The following SLC4A2 variants were observed in gnomAD, a reference collection of about 807,000 sequenced individuals.
SLC4A2 encodes the protein anion exchange protein 2.
In SLC4A2, 36 loss-of-function variants were observed where a neutral mutation model predicts 115.0. That is an observed-to-expected ratio of 0.31 (90% CI 0.24 to 0.41). The LOEUF (loss-of-function observed/expected upper bound fraction) is 0.41, where lower values mean the gene tolerates loss of function less well. SLC4A2 is among the 10% of genes least tolerant of loss of function. The pLI is 1.00. For missense variants in SLC4A2, 1,252 were observed against 1,705.6 expected (o/e 0.73, Z 4.68); for synonymous variants, 708 against 708.3 (o/e 1.00, Z 0.01).
chr7:151,062,084 C>A, intron 2 of SLC4A2, 46 bp downstream of exon 2: 10 of 1,555,644 alleles, frequency 6.4e-6, no homozygotes, highest in Non-Finnish European at 8.8e-6. Context: ...CCTCCCTGGG[C>A]AGCCTTGGGT....
At position 151,075,670 on chromosome 7, in the gene SLC4A2, C is replaced by T. The variant is rs1368612456; in HGVS notation, c.3366C>T (p.Phe1122=). The part of the protein sequence containing the change: ...QIPLAVLFGI[F]LYMGVTSLNG... ...CCCTGGCCGTGCTCTTTGGAATTTT[C>T]CTGTACATGGGAGTCACCTCCCTTA... The change falls in exon 21 of 23, where the codon TTC becomes TTT. Residue 1122 remains phenylalanine, a synonymous_variant. Transcript: ENST00000413384. 2.5e-6 allele frequency: 4 copies of T among 1,610,646 alleles called. No homozygotes were observed. In the South Asian group the frequency reaches 4.4e-5, roughly 18 times the overall value.
chr7:151,059,241 C>T (rs1370631335), upstream of SLC4A2: 2 of 152,276 alleles, frequency 1.3e-5, no homozygotes, highest in Non-Finnish European at 2.9e-5. The surrounding 1 kb of genome is among the most constrained non-coding windows in gnomAD (Gnocchi z 5.8). Context: ...CACTCGCCAC[C>T]CGTCCCTCAG....
chr7:151,060,245 TG>T lies in SLC4A2; in HGVS notation c.-64+486del, dbSNP rs1797001538. ...TCAGACAGAAGAGGGAGCAGCTGGG[TG>T]GGAATGGGAAAGATGAGCCCGGAGA... On this transcript the variant is annotated intron_variant, in intron 1 of 22. Coordinates refer to ENST00000413384, the MANE Select transcript of SLC4A2 (RefSeq NM_003040.4). The surrounding 1 kb of genome is among the most constrained non-coding windows in gnomAD (Gnocchi z 5.9). The T allele has an allele frequency of 6.6e-6, 1 of 151,904 alleles. No individual in the cohort carries two copies. Among genetic ancestry groups the T allele is most frequent in the African/African-American group, 2.4e-5 (1 of 41,290 alleles). 9.4% of individuals were successfully genotyped at this position (151,904 alleles called of 1,614,324 possible).
rs1254352460 is a variant in SLC4A2, at chr7:151,061,887, AGGGC to A, written c.-63-37_-63-34del. The A allele has an allele frequency of 5.3e-6, 6 of 1,132,528 alleles. No homozygotes were observed. In the East Asian group the frequency reaches 7.6e-5, roughly 14 times the overall value. The allele number at this position is 1,132,528 out of a possible 1,614,324, so 70.2% of individuals were successfully genotyped here. Reference sequence around the variant, plus strand: ...TGCGCGTGGTGGCTCCTGCCCTCCCAGGGCTCTCGATGGTGATCAGGCCTCTCCC... The same window carrying A: ...TGCGCGTGGTGGCTCCTGCCCTCCCATCTCGATGGTGATCAGGCCTCTCCC... On this transcript the variant is annotated intron_variant, in intron 1 of 22. Transcript: ENST00000413384.
chr7:151,075,797 C>T lies in SLC4A2; in HGVS notation c.3471+22C>T, dbSNP rs151133616. The T allele has an allele frequency of 9.4e-5, 149 of 1,592,446 alleles. 1 individual carries two copies. In the African/African-American group the frequency reaches 1.5e-3, roughly 16 times the overall value. Reference sequence around the variant, plus strand: ...GAAGGTGAGCCCCCCAGCTCCCCACCGGAAGGGGTGTGCCTCTGGCCATCC... The same window carrying T: ...GAAGGTGAGCCCCCCAGCTCCCCACTGGAAGGGGTGTGCCTCTGGCCATCC... On this transcript the variant is annotated intron_variant, in intron 21 of 22. Coordinates refer to ENST00000413384, the MANE Select transcript of SLC4A2 (RefSeq NM_003040.4).
In SLC4A2 at chr7:151,069,393, G is replaced by A. The variant is rs567135650; in HGVS notation, c.1148-554G>A. Among the ~76,000 whole-genome samples the A allele has an allele frequency of 7.0e-4, 107 of 152,286 alleles. 1 individual carries two copies. Among genetic ancestry groups the A allele is most frequent in the Middle Eastern group, 6.8e-3 (2 of 294 alleles). ...TGACCTGGTAACTTTTGAAGGGACT[G>A]TTATTTCTGTGTGCAATGGCGAGGG... On this transcript the variant is annotated intron_variant, in intron 8 of 22. Coordinates refer to ENST00000413384, the MANE Select transcript of SLC4A2 (RefSeq NM_003040.4).
At position 151,069,841 on chromosome 7, in the gene SLC4A2, A is replaced by G. The variant is rs1797368772; in HGVS notation, c.1148-106A>G. 5 of 1,391,682 alleles carry G rather than the reference A, an allele frequency of 3.6e-6. No individual in the cohort carries two copies. In the Admixed American group the frequency reaches 8.8e-5, roughly 24 times the overall value. The allele number at this position is 1,391,682 out of a possible 1,614,324, so 86.2% of individuals were successfully genotyped here. Reference sequence around the variant, plus strand: ...TCCTTCATGTGTAGGCTGGTGTTCCAGCCCCGGCACCCACCCACCTGTCCC... The same window carrying G: ...TCCTTCATGTGTAGGCTGGTGTTCCGGCCCCGGCACCCACCCACCTGTCCC... On this transcript the variant is annotated intron_variant, in intron 8 of 22. Transcript: ENST00000413384.
chr7:151,074,672 C>A lies in SLC4A2; in HGVS notation c.2881-3C>A. ...TTGTCCCTACACTGTGTCTGCCCTG[C>A]AGAAGCTGAGCGTTCCCAGTGGATT... On this transcript the variant is annotated splice_polypyrimidine_tract_variant and splice_region_variant and intron_variant, in intron 18 of 22. Coordinates refer to ENST00000413384, the MANE Select transcript of SLC4A2 (RefSeq NM_003040.4). The A allele has an allele frequency of 1.3e-6, 2 of 1,594,908 alleles. No individual in the cohort carries two copies. The highest frequency in any genetic ancestry group is 1.7e-6 in the Non-Finnish European group (2 of 1,171,172).
chr7:151,072,156 G>C lies in SLC4A2; in HGVS notation c.2535+20G>C. Reference sequence around the variant, plus strand: ...GTGAAGGTGGGCAGGCCCCTGCCGAGAGCTGGGCCAGGAGGGCCGAGGTCT... The same window carrying C: ...GTGAAGGTGGGCAGGCCCCTGCCGACAGCTGGGCCAGGAGGGCCGAGGTCT... On this transcript the variant is annotated intron_variant, in intron 16 of 22. Transcript: ENST00000413384. 1 of 1,607,388 alleles carries C rather than the reference G, an allele frequency of 6.2e-7. No individual in the cohort carries two copies.
intron 2 of SLC4A2, 101 bp downstream of exon 2, chr7:151,062,139 G>T: frequency 5.1e-6 from 1 of 197,616 alleles, no homozygotes; most frequent in South Asian, 7.1e-5. Context: ...GAGCGTGTGT[G>T]AGTGTGGAGA....
At chr7:151,067,375 C>T (rs565049967) in intron 7 of SLC4A2, among the ~76,000 whole-genome samples, 5 of 152,294 alleles carry the variant, frequency 3.3e-5, no homozygotes, top group South Asian at 2.1e-4. Context: ...CATGAGCTGC[C>T]GCGCCGGGCC....
At chr7:151,075,826 T>G in intron 21 of SLC4A2, 51 bp downstream of exon 21, 1 of 1,561,002 alleles carries the variant, frequency 6.4e-7, no homozygotes, top group Non-Finnish European at 8.7e-7. Flanking sequence ...GCCATCCTGG[T>G]CTACTTGGGT....
chr7:151,070,103 T>G, intron 9 of SLC4A2, 21 bp downstream of exon 9: 2 of 1,613,876 alleles, frequency 1.2e-6, no homozygotes, highest in Non-Finnish European at 1.7e-6. Flanking sequence ...GTGGGCCAGT[T>G]GGGGATGACA....
At chr7:151,066,385 AC>A in intron 5 of SLC4A2, 131 bp from the exon 6 acceptor site, 1 of 1,096,348 alleles carries the variant, frequency 9.1e-7, no homozygotes, top group Non-Finnish European at 1.3e-6. Flanking sequence ...CCGTGCCCGC[AC>A]CTCCCGGGAG....
In SLC4A2 at chr7:151,070,497, G is replaced by A. The variant is rs762626632; in HGVS notation, c.1490G>A (p.Arg497His). Residue 497 changes from arginine (R) to histidine (H), a missense_variant, in exon 11 of 23, where the codon CGC becomes CAC. Arg to His is a conservative substitution (Grantham distance 29). Around this residue, in one of 14 missense-constraint regions of SLC4A2, gnomAD observed 142 missense variants for 153.5 expected, o/e 0.93. Coordinates refer to ENST00000413384, the MANE Select transcript of SLC4A2 (RefSeq NM_003040.4). Reference sequence around the variant, plus strand: ...CCAGCACCACCAGCTGGCATCACCCGCTCCAAGTCCAAGCACGAGCTGAAA... The same window carrying A: ...CCAGCACCACCAGCTGGCATCACCCACTCCAAGTCCAAGCACGAGCTGAAA... ...PPPAPPAGIT[R>H]SKSKHELKLL... 2.5e-6 allele frequency: 4 copies of A among 1,613,626 alleles called. No individual in the cohort carries two copies. Among genetic ancestry groups the A allele is most frequent in the South Asian group, 1.1e-5 (1 of 91,046 alleles).
At chr7:151,072,867 T>C (rs1797488017) in intron 16 of SLC4A2, among the ~76,000 whole-genome samples, 1 of 152,132 alleles carries the variant, frequency 6.6e-6, no homozygotes, top group African/African-American at 2.4e-5. Context: ...TTTTACCATG[T>C]TGGCCAGGCT....
In SLC4A2 at chr7:151,071,397, G is replaced by C. The variant is rs368602226; in HGVS notation, c.1983G>C (p.Leu661=). Residue 661 remains leucine (L), a synonymous_variant, in exon 14 of 23, where the codon CTG becomes CTC. Coordinates refer to ENST00000413384, the MANE Select transcript of SLC4A2 (RefSeq NM_003040.4). This position sits in a 1 kb window ranked among gnomAD's most constrained non-coding sequence, Gnocchi z 5.5. ...CGGAGGCCTGGGTTGCAGCGCTCCT[G>C]CAGATGGTAGAGGCGGCAGGGGCAG... ...EPKSAQDKAL[L]QMVEAAGAAE... The C allele has an allele frequency of 7.0e-5, 112 of 1,595,326 alleles. 1 individual carries two copies. The highest frequency in any genetic ancestry group is 8.9e-5 in the Non-Finnish European group (105 of 1,175,766).
Position 151,074,053 on chromosome 7 carries a change from C to A in SLC4A2, c.2550C>A (p.His850Gln). The change falls in exon 17 of 23, where the codon CAC becomes CAA. Residue 850 changes from histidine (H) to glutamine (Q), a missense_variant. Physicochemically the swap from His to Gln is conservative, Grantham distance 24. This residue lies in a region of SLC4A2 where 118 missense variants were observed against 203.3 expected (regional missense o/e 0.58). Transcript: ENST00000413384. ...CCTCTCCCCAGATCTTCCAGGAGCA[C>A]CCCCTGCATGGCTGCTCAGCCTCCA... ...FYKLVKIFQE[H>Q]PLHGCSASNS... The A allele has an allele frequency of 6.3e-7, 1 of 1,584,872 alleles. No homozygotes were observed. Among genetic ancestry groups the A allele is most frequent in the Non-Finnish European group, 8.6e-7 (1 of 1,160,694 alleles).
rs1355355802 is a variant in SLC4A2, at chr7:151,072,140, G to T, written c.2535+4G>T. On this transcript the variant is annotated splice_donor_region_variant and intron_variant, in intron 16 of 22. Coordinates refer to ENST00000413384, the MANE Select transcript of SLC4A2 (RefSeq NM_003040.4). Reference sequence around the variant, plus strand: ...GACCTTCTACAAGCTGGTGAAGGTGGGCAGGCCCCTGCCGAGAGCTGGGCC... The same window carrying T: ...GACCTTCTACAAGCTGGTGAAGGTGTGCAGGCCCCTGCCGAGAGCTGGGCC... The T allele has an allele frequency of 6.2e-7, 1 of 1,612,060 alleles. No individual in the cohort carries two copies. The highest frequency in any genetic ancestry group is 1.3e-5 in the African/African-American group (1 of 74,898).
Sources: gnomAD v4.1 joint callset for allele counts (sites outside exome capture counted in the v4.1 genomes callset) on GRCh38, gnomAD v4.1.1 for gene constraint, gnomAD v4.1.1 regional missense constraint, Gnocchi (gnomAD v3.1) non-coding constraint, MANE v1.5 for transcripts, NCBI Gene and HGNC (gene_info 2026-07-23, HGNC 2026-07-21) for gene names.